The following OR1L8 variants were observed in gnomAD, a reference collection of about 807,000 sequenced individuals.
OR1L8 encodes olfactory receptor 1L8.
For synonymous variants in OR1L8, 148 were observed against 147.0 expected (o/e 1.01, Z -0.05); for missense variants, 330 against 377.4 (o/e 0.87, Z 1.04).
At chr9:122,566,262 C>T (rs948992911), downstream of OR1L8, among the ~76,000 whole-genome samples, 32 of 152,308 alleles carry the variant, frequency 2.1e-4, no homozygotes, top group African/African-American at 7.5e-4. Context: ...AAGTCTTTCA[C>T]CATTGCATAG....
chr9:122,572,610 G>T (rs34175229), intron 4 of OR1L8, among the ~76,000 whole-genome samples, 170 bp downstream of exon 4: 21,310 of 150,768 alleles, frequency 0.14, 1,601 homozygotes, highest in Middle Eastern at 0.21. Context: ...GGGTTTTGCT[G>T]CTCTCAAAGC....
chr9:122,573,445 G>T (rs1829587748), intron 3 of OR1L8, among the ~76,000 whole-genome samples: 1 of 152,150 alleles, frequency 6.6e-6, no homozygotes, highest in Non-Finnish European at 1.5e-5. Flanking sequence ...CATTCTAATG[G>T]GTATACAGTG....
At chr9:122,552,659 G>A in the OR1L8 span, among the ~76,000 whole-genome samples, 1 of 151,854 alleles carries the variant, frequency 6.6e-6, no homozygotes, top group Non-Finnish European at 1.5e-5. Flanking sequence ...GGTTTGAATG[G>A]GTGAGGTCAA....
chr9:122,553,706 GC>G, the OR1L8 span: 1 of 1,613,948 alleles, frequency 6.2e-7, no homozygotes, highest in Admixed American at 1.7e-5. Flanking sequence ...ACACACTGTT[GC>G]TGACCCGCGT....
At chr9:122,553,936 C>T in the OR1L8 span, 4 of 1,614,024 alleles carry the variant, frequency 2.5e-6, no homozygotes, top group Non-Finnish European at 3.4e-6. Flanking sequence ...AAGGCCTTCT[C>T]TACCTGTGGT....
At chr9:122,547,435 T>A in the OR1L8 span, among the ~76,000 whole-genome samples, 1 of 152,208 alleles carries the variant, frequency 6.6e-6, no homozygotes, top group Non-Finnish European at 1.5e-5. Context: ...TACCTGTAAA[T>A]ATTGCATGGT....
At chr9:122,546,842 A>G in the OR1L8 span, among the ~76,000 whole-genome samples, 2 of 152,210 alleles carry the variant, frequency 1.3e-5, no homozygotes, top group Admixed American at 6.5e-5. Context: ...ACAAATAATA[A>G]TTGTATGTAT....
At chr9:122,552,039 A>ACCCTCTCTCTCTCTCT in the OR1L8 span, among the ~76,000 whole-genome samples, 1 of 89,386 alleles carries the variant, frequency 1.1e-5, no homozygotes, top group African/African-American at 5.0e-5. Context: ...GGACACATAC[A>ACCCTCTCTCTCTCTCT]CACACACACA....
chr9:122,568,399 T>G lies in OR1L8; in HGVS notation c.79A>C (p.Thr27Pro), dbSNP rs10985704. 0.57 allele frequency: 919,078 copies of G among 1,612,204 alleles called. 267,444 individuals carry two copies. The highest frequency in any genetic ancestry group is 0.98 in the East Asian group (43,989 of 44,876). Reference sequence around the variant, plus strand: ...ACGATGAGGAAGAGAACAAAGAGTGTCTTTTGGTCCTCAGGCCGGGAGGAG... The same window carrying G: ...ACGATGAGGAAGAGAACAAAGAGTGGCTTTTGGTCCTCAGGCCGGGAGGAG... ...GLSSRPEDQK[T>P]LFVLFLIVYL... Residue 27 changes from threonine to proline, a missense_variant, in exon 5 of 5, where the codon ACA becomes CCA. Coordinates refer to ENST00000641027, the MANE Select transcript of OR1L8 (RefSeq NM_001004454.2).
At chr9:122,549,212 G>A in the OR1L8 span, among the ~76,000 whole-genome samples, 1 of 152,028 alleles carries the variant, frequency 6.6e-6, no homozygotes, top group Non-Finnish European at 1.5e-5. Flanking sequence ...GTGAAAGCTG[G>A]TTGTTTAAGA....
At chr9:122,546,861 T>A in the OR1L8 span, among the ~76,000 whole-genome samples, 1 of 152,162 alleles carries the variant, frequency 6.6e-6, no homozygotes, top group East Asian at 1.9e-4. Flanking sequence ...ATTCGGGGGG[T>A]ACATAGTGAT....
At chr9:122,576,498 G>T (rs1433938458) in intron 3 of OR1L8, among the ~76,000 whole-genome samples, 2 of 151,850 alleles carry the variant, frequency 1.3e-5, no homozygotes, top group Non-Finnish European at 2.9e-5. Context: ...GCCTCCCAAG[G>T]TTCTGGGATT....
In OR1L8 at chr9:122,567,876, A is replaced by G. The variant is rs2118710912; in HGVS notation, c.602T>C (p.Met201Thr). The change falls in exon 5 of 5, where the codon ATG becomes ACG. Residue 201 changes from methionine to threonine, a missense_variant. Met to Thr is a moderately conservative substitution (Grantham distance 81). Coordinates refer to ENST00000641027, the MANE Select transcript of OR1L8 (RefSeq NM_001004454.2). ...CACCAAAACAATAGGTGCTTCTGTC[A>G]TCTGCACAATTTCATTGACAAATAT... is the stretch of plus-strand genomic sequence containing the variant. ...SSIFVNEIVQMTEAPIVLVTR... is the reference protein window; with the variant it reads ...SSIFVNEIVQTTEAPIVLVTR... 2 of 1,614,058 alleles carry G rather than the reference A, an allele frequency of 1.2e-6. No homozygotes were observed.
chr9:122,549,001 T>C, the OR1L8 span, among the ~76,000 whole-genome samples: 2 of 152,124 alleles, frequency 1.3e-5, no homozygotes, highest in African/African-American at 4.8e-5. Context: ...TTTCTGTCTT[T>C]GTTGCCTGTG....
At chr9:122,571,090 A>G (rs1185768723) in intron 4 of OR1L8, among the ~76,000 whole-genome samples, 1 of 152,196 alleles carries the variant, frequency 6.6e-6, no homozygotes, top group Non-Finnish European at 1.5e-5. Flanking sequence ...ATTTCTACAG[A>G]ATTACCCTCT....
the OR1L8 span, chr9:122,552,982 T>A: frequency 5.3e-6 from 3 of 565,542 alleles, no homozygotes; most frequent in Non-Finnish European, 9.3e-6. Flanking sequence ...CAAAGCACAA[T>A]TGAGATTTGA....
chr9:122,564,588 G>A (rs2118702612), downstream of OR1L8, among the ~76,000 whole-genome samples: 1 of 152,296 alleles, frequency 6.6e-6, no homozygotes, highest in African/African-American at 2.4e-5. Context: ...TTCCTATTTG[G>A]CCTGTGCAGA....
chr9:122,580,774 A>C (rs1340164577), intron 1 of OR1L8, among the ~76,000 whole-genome samples: 2 of 149,234 alleles, frequency 1.3e-5, no homozygotes, highest in Non-Finnish European at 3.0e-5. Flanking sequence ...TTTGTGTTGT[A>C]TTTGTTTTTT....
chr9:122,581,047 A>T (rs1011519597), intron 1 of OR1L8, among the ~76,000 whole-genome samples: 1 of 152,166 alleles, frequency 6.6e-6, no homozygotes, highest in Non-Finnish European at 1.5e-5. Context: ...AAATATAATT[A>T]TAATGGTTTA....
Sources: gnomAD v4.1 joint callset for allele counts (sites outside exome capture counted in the v4.1 genomes callset) on GRCh38, gnomAD v4.1.1 for gene constraint, MANE v1.5 for transcripts, NCBI Gene and HGNC (gene_info 2026-07-23, HGNC 2026-07-21) for gene names.